OSBPL10: variants seen among roughly 807,000 people sequenced by gnomAD.
The protein encoded by OSBPL10 is oxysterol binding protein like 10.
In OSBPL10, 49 loss-of-function variants were observed where a neutral mutation model predicts 81.7. The ratio of observed to expected loss-of-function variants is 0.60; its 90% CI spans 0.48 to 0.76. OSBPL10 has a LOEUF of 0.76. Among genes scored for constraint, OSBPL10 ranks in the 30% least tolerant of loss-of-function variants. The probability of loss-of-function intolerance (pLI) is 0.00; values close to 1 mark genes in which losing one functional copy is unlikely to be tolerated. For missense variants in OSBPL10, 923 were observed against 987.8 expected (o/e 0.93, Z 0.88); for synonymous variants, 419 against 383.6 (o/e 1.09, Z -1.08).
chr3:31,964,771 C>A (rs185498114), intron 1 of OSBPL10, among the ~76,000 whole-genome samples: 2 of 152,108 alleles, frequency 1.3e-5, no homozygotes, highest in East Asian at 1.9e-4. Context: ...CATGGCTCAT[C>A]ATTTAACTGA....
intron 4 of OSBPL10, among the ~76,000 whole-genome samples, chr3:31,799,379 TA>T (rs61157535): frequency 0.1 from 5,678 of 56,040 alleles, 308 homozygotes; most frequent in African/African-American, 0.26. Context: ...CCTATCTCTT[TA>T]AAAAAAAAAA....
intron 4 of OSBPL10, among the ~76,000 whole-genome samples, chr3:31,772,365 C>A (rs572933168): frequency 1.3e-5 from 2 of 152,318 alleles, no homozygotes; most frequent in African/African-American, 4.8e-5. Flanking sequence ...CAAAAAGTCA[C>A]CACAAATGGT....
In OSBPL10 at chr3:31,981,230, A is replaced by ACGG. The variant is rs2125508144; in HGVS notation, c.-54_-52dup. On this transcript the variant is annotated 5_prime_UTR_variant, in exon 1 of 12. Transcript: ENST00000396556. This position sits in a 1 kb window ranked among gnomAD's most constrained non-coding sequence, Gnocchi z 4.5. Reference sequence around the variant, plus strand: ...TGCCCGCCGCGGTGGCGGCCCCGGCACGGCGGCTGCTGCTGCTGCTACAGC... The same window carrying ACGG: ...TGCCCGCCGCGGTGGCGGCCCCGGCACGGCGGCGGCTGCTGCTGCTGCTACAGC... 1.4e-5 allele frequency: 19 copies of ACGG among 1,340,670 alleles called. No homozygotes were observed. Among genetic ancestry groups the ACGG allele is most frequent in the East Asian group, 9.5e-5 (3 of 31,584 alleles). 83.0% of individuals were successfully genotyped at this position (1,340,670 alleles called of 1,614,324 possible). A position where few individuals can be genotyped will look rare whatever the true frequency, so the allele number is the denominator to read the frequency against.
chr3:31,950,215 T>C (rs1697828803), intron 1 of OSBPL10, among the ~76,000 whole-genome samples: 1 of 151,854 alleles, frequency 6.6e-6, no homozygotes, highest in African/African-American at 2.4e-5. Flanking sequence ...GCAACATAGA[T>C]CCAACAAAGG....
chr3:32,012,607 G>A (rs138763143), intron 2 of OSBPL10, among the ~76,000 whole-genome samples: 2,127 of 152,284 alleles, frequency 0.014, 21 homozygotes, highest in Non-Finnish European at 0.02. Flanking sequence ...AACCTTAAAT[G>A]TAAATGGGCT....
At chr3:31,749,370 C>T (rs1327649125) in intron 4 of OSBPL10, among the ~76,000 whole-genome samples, 1 of 152,186 alleles carries the variant, frequency 6.6e-6, no homozygotes, top group Non-Finnish European at 1.5e-5. Context: ...GTGGTTTGAG[C>T]GTTCTCATCT....
chr3:31,798,172 T>C (rs1186112903), intron 4 of OSBPL10, among the ~76,000 whole-genome samples: 1 of 152,138 alleles, frequency 6.6e-6, no homozygotes, highest in Non-Finnish European at 1.5e-5. Context: ...GGCTCACACC[T>C]GTAATCCCAG....
chr3:31,802,549 CAAA>C (rs746823677), intron 4 of OSBPL10, among the ~76,000 whole-genome samples: 11 of 95,000 alleles, frequency 1.2e-4, no homozygotes, highest in African/African-American at 3.7e-4. Context: ...GCCTGGGTAT[CAAA>C]AAAAAAAAAA....
intron 6 of OSBPL10, chr3:31,705,036 G>T (rs1280303428): frequency 6.6e-6 from 1 of 152,226 alleles, no homozygotes; most frequent in Non-Finnish European, 1.5e-5. Context: ...GCTGGTGCAG[G>T]TGCCCCAGAA....
Position 31,733,378 on chromosome 3 carries a change from T to C in OSBPL10, c.974A>G (p.His325Arg). The C allele has an allele frequency of 1.9e-6, 3 of 1,614,194 alleles. No individual in the cohort carries two copies. Among genetic ancestry groups the C allele is most frequent in the Non-Finnish European group, 2.5e-6 (3 of 1,180,028 alleles). The stretch of plus-strand genomic sequence containing the variant: ...CCCATTTTTCAGCTGCTCTGTGGAA[T>C]GTGACTTGGACCCGTGCCATCCCAG... Reference protein sequence around the residue: ...NILGWHGSKSHSTEQLKNGTL... With the variant: ...NILGWHGSKSRSTEQLKNGTL... The change falls in exon 6 of 12, where the codon CAT becomes CGT. Residue 325 changes from histidine to arginine, a missense_variant. This residue lies in a region of OSBPL10 where 514 missense variants were observed against 508.0 expected (regional missense o/e 1.01). Transcript: ENST00000396556.
intron 4 of OSBPL10, among the ~76,000 whole-genome samples, chr3:31,790,817 C>T (rs111608572): frequency 5.6e-4 from 85 of 152,332 alleles, no homozygotes; most frequent in African/African-American, 2.0e-3. Context: ...AAGAGGTTAA[C>T]ATCATTGGAA....
intron 3 of OSBPL10, among the ~76,000 whole-genome samples, chr3:31,847,120 A>AT (rs1700652784): frequency 6.6e-6 from 1 of 150,558 alleles, no homozygotes; most frequent in Admixed American, 6.6e-5. Context: ...CCCCTTTCTC[A>AT]TTACATCATT....
chr3:31,753,846 C>T (rs536202413), intron 4 of OSBPL10, among the ~76,000 whole-genome samples: 1 of 152,146 alleles, frequency 6.6e-6, no homozygotes, highest in Non-Finnish European at 1.5e-5. Context: ...TCTGACCTTG[C>T]CTTCCCCGCT....
chr3:31,716,817 C>A (rs1288955547), intron 6 of OSBPL10, among the ~76,000 whole-genome samples: 1 of 152,196 alleles, frequency 6.6e-6, no homozygotes, highest in Non-Finnish European at 1.5e-5. Context: ...AAAGCTATCA[C>A]CTTTGATTGG....
At chr3:31,704,508 A>G (rs1190309562) in intron 6 of OSBPL10, 1 of 152,264 alleles carries the variant, frequency 6.6e-6, no homozygotes, top group Non-Finnish European at 1.5e-5. Flanking sequence ...TCCAACCACC[A>G]TGGTGTACCC....
chr3:31,759,711 C>A (rs775145686), intron 4 of OSBPL10, among the ~76,000 whole-genome samples: 16 of 152,130 alleles, frequency 1.1e-4, no homozygotes, highest in Non-Finnish European at 1.5e-4. Flanking sequence ...CACATATTAG[C>A]ACTGTATTCT....
At chr3:31,962,067 G>A (rs1467685197) in intron 1 of OSBPL10, among the ~76,000 whole-genome samples, 3 of 152,034 alleles carry the variant, frequency 2.0e-5, no homozygotes, top group African/African-American at 7.2e-5. Flanking sequence ...CAATTCACCT[G>A]CCTCAGCCTC....
chr3:31,795,449 A>G (rs1176976267), intron 4 of OSBPL10: 1 of 167,376 alleles, frequency 6.0e-6, no homozygotes, highest in African/African-American at 2.4e-5. Context: ...TCTGGCCCAC[A>G]AAACCTTTCG....
intron 1 of OSBPL10, among the ~76,000 whole-genome samples, chr3:31,929,110 C>G (rs1697163633): frequency 6.6e-6 from 1 of 152,138 alleles, no homozygotes; most frequent in South Asian, 2.1e-4. Context: ...TTGCCATAGG[C>G]ACTCTAAAGG....
Sources: gnomAD v4.1 joint callset for allele counts (sites outside exome capture counted in the v4.1 genomes callset) on GRCh38, gnomAD v4.1.1 for gene constraint, gnomAD v4.1.1 regional missense constraint, Gnocchi (gnomAD v3.1) non-coding constraint, MANE v1.5 for transcripts, NCBI Gene and HGNC (gene_info 2026-07-23, HGNC 2026-07-21) for gene names.